RNF144A: variants seen among roughly 807,000 people sequenced by gnomAD.
The protein encoded by RNF144A is E3 ubiquitin-protein ligase RNF144A.
A neutral mutation model predicts 38.7 loss-of-function variants in RNF144A; 11 were observed. The observed-to-expected ratio is 0.28, with a 90% CI of 0.18 to 0.47. The LOEUF is 0.47. RNF144A is among the 20% of genes least tolerant of loss of function. RNF144A has a pLI of 0.99. For synonymous variants in RNF144A, 149 were observed against 143.9 expected, an observed-to-expected ratio of 1.04 and a Z score of -0.25; for missense variants, 316 against 377.2, an observed-to-expected ratio of 0.84 and a Z score of 1.34.
intron 8 of RNF144A, among the ~76,000 whole-genome samples, chr2:7,033,254 G>A (rs980299973): frequency 5.9e-5 from 9 of 152,254 alleles, no homozygotes; most frequent in African/African-American, 2.2e-4. Context: ...CGGCCCACGT[G>A]GCATCAGCCG....
chr2:7,017,809 A>G (rs1211727744), intron 5 of RNF144A, among the ~76,000 whole-genome samples: 1 of 152,202 alleles, frequency 6.6e-6, no homozygotes, highest in East Asian at 1.9e-4. Flanking sequence ...CCATGTTCAC[A>G]GGGTGTGACA....
At chr2:7,024,839 A>G (rs1278632438) in intron 7 of RNF144A, among the ~76,000 whole-genome samples, 2 of 152,178 alleles carry the variant, frequency 1.3e-5, no homozygotes, top group Non-Finnish European at 2.9e-5. Flanking sequence ...CTGCTGTGAC[A>G]TAATATCATA....
At chr2:6,990,166 G>T (rs1669238246) in intron 2 of RNF144A, among the ~76,000 whole-genome samples, 1 of 152,102 alleles carries the variant, frequency 6.6e-6, no homozygotes, top group Non-Finnish European at 1.5e-5. Context: ...GAGGCTGGAA[G>T]TCTGAGAGGA....
intron 1 of RNF144A, among the ~76,000 whole-genome samples, chr2:6,932,458 AT>A (rs200218035): frequency 3.6e-4 from 54 of 151,928 alleles, no homozygotes; most frequent in Non-Finnish European, 6.5e-4. Flanking sequence ...CTATTTGGAG[AT>A]TTTTTTTTCC....
chr2:7,029,022 G>A (rs1357345731), intron 7 of RNF144A, among the ~76,000 whole-genome samples: 3 of 152,196 alleles, frequency 2.0e-5, no homozygotes, highest in Admixed American at 6.5e-5. Flanking sequence ...GAGGAAGTCC[G>A]GCTGCAGCCC....
At chr2:7,028,797 T>A (rs188130206) in intron 7 of RNF144A, among the ~76,000 whole-genome samples, 21 of 152,340 alleles carry the variant, frequency 1.4e-4, no homozygotes, top group Admixed American at 1.2e-3. Context: ...GCTTTGTGTT[T>A]GCCTGCTCCT....
chr2:7,000,049 A>G (rs968119323), intron 3 of RNF144A, among the ~76,000 whole-genome samples: 3 of 152,240 alleles, frequency 2.0e-5, no homozygotes, highest in Admixed American at 6.5e-5. Context: ...TGGCCTAGCA[A>G]TTGCTAATAT....
intron 1 of RNF144A, among the ~76,000 whole-genome samples, chr2:6,932,619 T>G (rs1665273823): frequency 6.6e-6 from 1 of 152,224 alleles, no homozygotes; most frequent in African/African-American, 2.4e-5. Flanking sequence ...AACAAGCTTC[T>G]CATTTTGTGC....
At chr2:7,030,660 C>G (rs907563525) in intron 8 of RNF144A, among the ~76,000 whole-genome samples, 2 of 152,010 alleles carry the variant, frequency 1.3e-5, no homozygotes, top group African/African-American at 4.8e-5. Flanking sequence ...TCAGTGGTCC[C>G]CAACCTTTTT....
At chr2:6,985,950 A>T (rs1239806283) in intron 2 of RNF144A, among the ~76,000 whole-genome samples, 1 of 152,182 alleles carries the variant, frequency 6.6e-6, no homozygotes, top group Non-Finnish European at 1.5e-5. Flanking sequence ...CTAGGATTAC[A>T]GGCGTGAGCC....
In RNF144A at chr2:7,052,065, C is replaced by G. The variant is rs529990430; in HGVS notation, c.735-16151C>G. 1.1e-4 allele frequency among the ~76,000 whole-genome samples: 16 copies of G among 152,248 alleles called. No individual in the cohort carries two copies. In the South Asian group the frequency reaches 2.5e-3, roughly 24 times the overall value. ...AAGTAACATAAATACCTCCAAAATG[C>G]CCTATTGCCTCTGTAGCTGTGCCCT... On this transcript the variant is annotated intron_variant, in intron 6 of 6. Coordinates refer to the RNF144A transcript ENST00000432850.
intron 8 of RNF144A, among the ~76,000 whole-genome samples, chr2:7,031,313 A>G (rs886511724): frequency 6.6e-6 from 1 of 152,104 alleles, no homozygotes; most frequent in Non-Finnish European, 1.5e-5. Context: ...GGAGCTGGAG[A>G]TACAGTGGTG....
intron 2 of RNF144A, among the ~76,000 whole-genome samples, chr2:6,963,537 A>G (rs1667472806): frequency 6.6e-6 from 1 of 152,156 alleles, no homozygotes; most frequent in Non-Finnish European, 1.5e-5. Flanking sequence ...TGTGTGAGGT[A>G]TGCTTAGTTG....
At chr2:6,929,582 G>GT (rs1553325433) in intron 1 of RNF144A, among the ~76,000 whole-genome samples, 1 of 152,128 alleles carries the variant, frequency 6.6e-6, no homozygotes, top group Non-Finnish European at 1.5e-5. Context: ...CAATGTGGTG[G>GT]TTTTCAAAAC....
chr2:6,961,208 C>T (rs566215434), intron 2 of RNF144A, among the ~76,000 whole-genome samples: 3 of 152,080 alleles, frequency 2.0e-5, no homozygotes, highest in African/African-American at 7.2e-5. Flanking sequence ...TTTCTGGTTA[C>T]TTCTTACTGC....
intron 2 of RNF144A, among the ~76,000 whole-genome samples, chr2:6,970,545 T>C (rs1262089099): frequency 6.6e-6 from 1 of 152,168 alleles, no homozygotes; most frequent in Non-Finnish European, 1.5e-5. Context: ...TCTCATCAGG[T>C]ATATGCAACT....
At chr2:6,961,335 T>A (rs1204284119) in intron 2 of RNF144A, among the ~76,000 whole-genome samples, 1 of 152,038 alleles carries the variant, frequency 6.6e-6, no homozygotes, top group Non-Finnish European at 1.5e-5. Context: ...GGAAAAAAAA[T>A]TATTTTCTGA....
chr2:7,044,268 C>G (rs1673213367), downstream of RNF144A: 3 of 840,122 alleles, frequency 3.6e-6, no homozygotes, highest in Admixed American at 6.2e-5. Flanking sequence ...AATATTTAAT[C>G]TATTGAAGAT....
intron 1 of RNF144A, among the ~76,000 whole-genome samples, chr2:6,935,978 T>A (rs1665547982): frequency 6.6e-6 from 1 of 152,242 alleles, no homozygotes; most frequent in Non-Finnish European, 1.5e-5. Context: ...TCCCATCAGA[T>A]GCTTTGGGAG....
Sources: allele counts gnomAD v4.1 joint callset (sites outside exome capture counted in the v4.1 genomes callset), GRCh38; gene constraint gnomAD v4.1.1; transcripts MANE v1.5; gene names NCBI Gene and HGNC (gene_info 2026-07-23, HGNC 2026-07-21).